The following LRMDA variants were observed in gnomAD, a reference collection of about 807,000 sequenced individuals.
The protein encoded by LRMDA is leucine-rich melanocyte differentiation-associated protein.
LRMDA carries 18 observed loss-of-function variants against 29.8 expected under a neutral mutation model. That is an observed-to-expected ratio of 0.60 (90% CI 0.42 to 0.90). LRMDA has a LOEUF of 0.90. Ranked by LOEUF, LRMDA falls within the 40% of genes least tolerant of loss-of-function variation. The pLI is 0.00. For synonymous variants in LRMDA, 125 were observed against 109.4 expected, an observed-to-expected ratio of 1.14 and a Z score of -0.89; for missense variants, 273 against 273.9, an observed-to-expected ratio of 1.00 and a Z score of 0.02.
intron 2 of LRMDA, among the ~76,000 whole-genome samples, chr10:75,466,062 C>G (rs1039790521): frequency 6.6e-6 from 1 of 152,188 alleles, no homozygotes; most frequent in South Asian, 2.1e-4. Context: ...TGTTTTGAAT[C>G]GGACTCAGAT....
intron 2 of LRMDA, among the ~76,000 whole-genome samples, chr10:75,535,110 T>C (rs902581659): frequency 6.6e-6 from 1 of 152,198 alleles, no homozygotes; most frequent in African/African-American, 2.4e-5. Flanking sequence ...TAAAAGACAG[T>C]TCTTTTTATC....
At chr10:75,966,568 G>A (rs182632257) in intron 2 of LRMDA, among the ~76,000 whole-genome samples, 1 of 152,300 alleles carries the variant, frequency 6.6e-6, no homozygotes, top group Admixed American at 6.5e-5. Context: ...ACTACACAGT[G>A]TCTGGAACCT....
intron 6 of LRMDA, among the ~76,000 whole-genome samples, chr10:76,491,852 T>G (rs1842836738): frequency 1.3e-5 from 2 of 152,194 alleles, no homozygotes; most frequent in South Asian, 4.1e-4. Context: ...TTTATAGGTG[T>G]GCTTCATTAT....
chr10:76,183,343 T>C (rs1243238831), intron 5 of LRMDA, among the ~76,000 whole-genome samples: 1 of 152,240 alleles, frequency 6.6e-6, no homozygotes, highest in African/African-American at 2.4e-5. Flanking sequence ...GATTTCAACA[T>C]GGTTAATGAG....
In LRMDA at chr10:75,936,110, A is replaced by C. The variant is rs116949626; in HGVS notation, c.132-99898A>C. ...TAAGATGTCTCCTTGTTTTATATTT[A>C]TCATTGTTGTAAAGCACCCGGTACA... On this transcript the variant is annotated intron_variant, in intron 2 of 6. Coordinates refer to ENST00000611255, the MANE Select transcript of LRMDA (RefSeq NM_001305581.2). Among the ~76,000 whole-genome samples, 129 of 152,110 alleles carry C rather than the reference A, an allele frequency of 8.5e-4. No individual in the cohort carries two copies. In the East Asian group the frequency reaches 0.015, roughly 17 times the overall value.
At chr10:76,476,758 A>G (rs2132322287) in intron 6 of LRMDA, among the ~76,000 whole-genome samples, 1 of 152,288 alleles carries the variant, frequency 6.6e-6, no homozygotes, top group South Asian at 2.1e-4. Flanking sequence ...ATGCAAATCA[A>G]TAAATGTAAT....
intron 6 of LRMDA, among the ~76,000 whole-genome samples, chr10:76,344,149 G>T (rs1841074885): frequency 1.3e-5 from 2 of 151,714 alleles, no homozygotes; most frequent in Non-Finnish European, 2.9e-5. Flanking sequence ...GGAATTTAAG[G>T]GAAACAACTA....
intron 2 of LRMDA, among the ~76,000 whole-genome samples, chr10:76,033,107 G>A (rs1359844486): frequency 1.3e-5 from 2 of 152,036 alleles, no homozygotes; most frequent in Non-Finnish European, 2.9e-5. Context: ...CATTCTAGGT[G>A]TATGTGTATT....
intron 6 of LRMDA, among the ~76,000 whole-genome samples, chr10:76,529,271 A>C (rs545497103): frequency 2.0e-5 from 3 of 152,182 alleles, no homozygotes; most frequent in Non-Finnish European, 2.9e-5. Flanking sequence ...TATAGTTGTG[A>C]AGGTCTTTTG....
chr10:76,002,693 A>G (rs1199772254), intron 2 of LRMDA, among the ~76,000 whole-genome samples: 3 of 152,224 alleles, frequency 2.0e-5, no homozygotes, highest in Admixed American at 2.0e-4. Context: ...CACACAGAGC[A>G]GGGAGACAGG....
chr10:76,267,603 A>C (rs553479339), intron 5 of LRMDA, among the ~76,000 whole-genome samples: 1 of 152,298 alleles, frequency 6.6e-6, no homozygotes, highest in East Asian at 1.9e-4. Context: ...TATAGACATA[A>C]ACCTTGAAAA....
intron 2 of LRMDA, among the ~76,000 whole-genome samples, chr10:75,555,102 G>A (rs1303233148): frequency 6.6e-6 from 1 of 152,118 alleles, no homozygotes; most frequent in African/African-American, 2.4e-5. Flanking sequence ...ATGGGGAGGA[G>A]TTTGGTGGGC....
chr10:75,691,197 TAC>T lies in LRMDA; in HGVS notation c.131+252715_131+252716del, dbSNP rs373484741. Among the ~76,000 whole-genome samples the T allele has an allele frequency of 6.9e-3, 935 of 136,300 alleles. 23 individuals are homozygous for T. The highest frequency in any genetic ancestry group is 0.023 in the African/African-American group (837 of 36,784). The allele number at this position is 136,300 out of a possible 152,430, so 89.4% of individuals were successfully genotyped here. On this transcript the variant is annotated intron_variant, in intron 2 of 6. Transcript: ENST00000611255. ...ATATATCTATGTACATAGATATATA[TAC>T]ACACACACACATATATATATACACA...
chr10:76,002,375 A>G (rs1847576748), intron 2 of LRMDA, among the ~76,000 whole-genome samples: 2 of 152,180 alleles, frequency 1.3e-5, no homozygotes, highest in Non-Finnish European at 2.9e-5. Flanking sequence ...GGGGTGGGGC[A>G]CAAACCTTCA....
intron 6 of LRMDA, among the ~76,000 whole-genome samples, chr10:76,400,423 T>G (rs1256596727): frequency 2.6e-5 from 4 of 152,248 alleles, no homozygotes; most frequent in Admixed American, 2.6e-4. Flanking sequence ...TATTTTAAGC[T>G]GTTAGATTTG....
intron 2 of LRMDA, among the ~76,000 whole-genome samples, chr10:75,526,622 G>A (rs1303242298): frequency 1.3e-5 from 2 of 152,070 alleles, no homozygotes; most frequent in Admixed American, 6.5e-5. Context: ...GGAGTCCAAA[G>A]TGGAAGGATT....
chr10:75,720,586 C>T (rs1276937620), intron 2 of LRMDA, among the ~76,000 whole-genome samples: 4 of 152,170 alleles, frequency 2.6e-5, no homozygotes, highest in South Asian at 2.1e-4. Flanking sequence ...GAAATTGTGT[C>T]GACTTCTGAA....
chr10:76,280,530 A>G (rs907749137), intron 5 of LRMDA, among the ~76,000 whole-genome samples: 2 of 152,172 alleles, frequency 1.3e-5, no homozygotes, highest in African/African-American at 4.8e-5. Flanking sequence ...TATTTTGCAC[A>G]TTGATCATTC....
intron 6 of LRMDA, among the ~76,000 whole-genome samples, chr10:76,490,852 T>C (rs1842827036): frequency 6.6e-6 from 1 of 152,056 alleles, no homozygotes; most frequent in African/African-American, 2.4e-5. Context: ...CATCTCTTCC[T>C]TCTTTCCTTC....
Sources: allele counts gnomAD v4.1 joint callset (sites outside exome capture counted in the v4.1 genomes callset), GRCh38; gene constraint gnomAD v4.1.1; transcripts MANE v1.5; gene names NCBI Gene and HGNC (gene_info 2026-07-23, HGNC 2026-07-21).